The following HMGCS1 variants were observed in gnomAD, a reference collection of about 807,000 sequenced individuals.
HMGCS1 encodes the protein 3-hydroxy-3-methylglutaryl-CoA synthase 1.
HMGCS1 carries 9 observed loss-of-function variants against 52.3 expected under a neutral mutation model. The observed-to-expected ratio is 0.17, with a 90% CI of 0.10 to 0.30. The LOEUF (loss-of-function observed/expected upper bound fraction) is 0.30. Ranked by LOEUF, HMGCS1 falls within the 10% of genes least tolerant of loss-of-function variation. HMGCS1 has a pLI of 1.00. For synonymous variants in HMGCS1, 176 were observed against 214.4 expected (o/e 0.82, Z 1.57); for missense variants, 320 against 620.9 (o/e 0.52, Z 5.15).
rs1579643681 is a variant in HMGCS1 at position 43,297,007 on chromosome 5, T to C, written c.734A>G (p.Gln245Arg). Residue 245 changes from glutamine (Q) to arginine (R), a missense_variant, in exon 5 of 11, where the codon CAG becomes CGG. Gln to Arg is a conservative substitution (Grantham distance 43, BLOSUM62 1). This residue lies in a region of HMGCS1 where 213 missense variants were observed against 337.4 expected (regional missense o/e 0.63). Transcript: ENST00000325110. ...GGAAAATGGGTAAAACTTACCTTTCTGCCACTGGGCATGGATCTTTTTGCA... is the reference window on the plus strand; with the variant it reads ...GGAAAATGGGTAAAACTTACCTTTCCGCCACTGGGCATGGATCTTTTTGCA... ...VYCKKIHAQW[Q>R]KEGNDKDFTL... is the part of the protein sequence containing the mutation. 1.2e-6 allele frequency: 2 copies of C among 1,613,670 alleles called. No homozygotes were observed. Among genetic ancestry groups the C allele is most frequent in the East Asian group, 2.2e-5 (1 of 44,866 alleles).
chr5:43,304,379 A>T (rs1754461213), intron 2 of HMGCS1, among the ~76,000 whole-genome samples: 1 of 152,256 alleles, frequency 6.6e-6, no homozygotes, highest in Non-Finnish European at 1.5e-5. Flanking sequence ...CAGGGAATAT[A>T]TCTTTTTGAA....
chr5:43,291,430 G>T (rs6894240), intron 10 of HMGCS1, among the ~76,000 whole-genome samples: 9,007 of 151,918 alleles, frequency 0.059, 528 homozygotes, highest in African/African-American at 0.16. Flanking sequence ...ATCCATATGG[G>T]GGGGAGAGGA....
chr5:43,312,761 T>A (rs1274205499), intron 1 of HMGCS1, among the ~76,000 whole-genome samples: 1 of 152,302 alleles, frequency 6.6e-6, no homozygotes, highest in East Asian at 1.9e-4. Flanking sequence ...AAGTACAGAC[T>A]GAGCCCCAGT....
chr5:43,291,095 C>CAG lies in HMGCS1; in HGVS notation c.*35_*36insCT. 3 of 927,386 alleles carry CAG rather than the reference C, an allele frequency of 3.2e-6. No homozygotes were observed. The highest frequency in any genetic ancestry group is 4.9e-5 in the East Asian group (2 of 40,866). The allele number at this position is 927,386 out of a possible 1,614,324, so 57.4% of individuals were successfully genotyped here. ...TGTTCCCATACCCCCACCCCATGCC[C>CAG]ACCCCACCCTGAAGTCTTGCACCTC... On this transcript the variant is annotated 3_prime_UTR_variant, in exon 11 of 11. Transcript: ENST00000325110.
At chr5:43,310,214 C>A (rs988716155) in intron 1 of HMGCS1, among the ~76,000 whole-genome samples, 2 of 152,218 alleles carry the variant, frequency 1.3e-5, no homozygotes, top group African/African-American at 4.8e-5. Context: ...GACATCCCTG[C>A]CTCCTCCCAG....
chr5:43,290,379 G>C lies in HMGCS1; in HGVS notation c.*752C>G, dbSNP rs1357814061. ...TAATCTACCATGAACTGATTCAGGAGCACACCTAGAGCTATATTCACAGCT... is the reference window on the plus strand; with the variant it reads ...TAATCTACCATGAACTGATTCAGGACCACACCTAGAGCTATATTCACAGCT... On this transcript the variant is annotated 3_prime_UTR_variant, in exon 11 of 11. Coordinates refer to ENST00000325110, the MANE Select transcript of HMGCS1 (RefSeq NM_001098272.3). 6.6e-6 allele frequency: 1 copy of C among 152,232 alleles called. No individual in the cohort carries two copies. The highest frequency in any genetic ancestry group is 1.5e-5 in the Non-Finnish European group (1 of 68,026). The allele number at this position is 152,232 out of a possible 1,614,324, so 9.4% of individuals were successfully genotyped here. A position where few individuals can be genotyped will look rare whatever the true frequency, so the allele number is the denominator to read the frequency against.
Position 43,289,074 on chromosome 5 carries a change from A to G in HMGCS1, c.*2057T>C. Reference sequence around the variant, plus strand: ...AGTAACTCATTTCATAAATATTTATAGCAAAGTCTATATATGCTTGCCACG... The same window carrying G: ...AGTAACTCATTTCATAAATATTTATGGCAAAGTCTATATATGCTTGCCACG... On this transcript the variant is annotated 3_prime_UTR_variant, in exon 11 of 11. Coordinates refer to ENST00000325110, the MANE Select transcript of HMGCS1 (RefSeq NM_001098272.3). 1 of 152,248 alleles carries G rather than the reference A, an allele frequency of 6.6e-6. No individual in the cohort carries two copies. Among genetic ancestry groups the G allele is most frequent in the East Asian group, 1.9e-4 (1 of 5,204 alleles). The allele number at this position is 152,248 out of a possible 1,614,324, so 9.4% of individuals were successfully genotyped here. A position where few individuals can be genotyped will look rare whatever the true frequency, so the allele number is the denominator to read the frequency against.
In HMGCS1 at chr5:43,290,212, C is replaced by T. The variant is rs1451265761; in HGVS notation, c.*919G>A. On this transcript the variant is annotated 3_prime_UTR_variant, in exon 11 of 11. Coordinates refer to ENST00000325110, the MANE Select transcript of HMGCS1 (RefSeq NM_001098272.3). ...GAAATAGCCTAATAATGCCCTGCCC[C>T]TATTCTTCCCTTCCATTTTAAATTT... 6.6e-6 allele frequency: 1 copy of T among 152,584 alleles called. No individual in the cohort carries two copies. The highest frequency in any genetic ancestry group is 1.9e-4 in the East Asian group (1 of 5,204). 9.5% of individuals were successfully genotyped at this position (152,584 alleles called of 1,614,324 possible).
chr5:43,298,258 C>G lies in HMGCS1; in HGVS notation c.449-124G>C. 1 of 934,744 alleles carries G rather than the reference C, an allele frequency of 1.1e-6. No homozygotes were observed. Among genetic ancestry groups the G allele is most frequent in the East Asian group, 2.6e-5 (1 of 37,830 alleles). 57.9% of individuals were successfully genotyped at this position (934,744 alleles called of 1,614,324 possible). A position where few individuals can be genotyped will look rare whatever the true frequency, so the allele number is the denominator to read the frequency against. On this transcript the variant is annotated intron_variant, in intron 3 of 10. Coordinates refer to ENST00000325110, the MANE Select transcript of HMGCS1 (RefSeq NM_001098272.3). The surrounding 1 kb of genome is among the most constrained non-coding windows in gnomAD (Gnocchi z 5.6). Reference sequence around the variant, plus strand: ...CCTTCTTTGATAAAGAAAGAAAATGCTCTAATTTTTTTTTAAAATTCATCT... The same window carrying G: ...CCTTCTTTGATAAAGAAAGAAAATGGTCTAATTTTTTTTTAAAATTCATCT...
In HMGCS1 at chr5:43,298,474, G is replaced by GA. The variant is rs1561116258; in HGVS notation, c.448+43dup. 6.6e-7 allele frequency: 1 copy of GA among 1,519,584 alleles called. No homozygotes were observed. Among genetic ancestry groups the GA allele is most frequent in the Admixed American group, 1.9e-5 (1 of 53,124 alleles). The allele number at this position is 1,519,584 out of a possible 1,614,324, so 94.1% of individuals were successfully genotyped here. A position where few individuals can be genotyped will look rare whatever the true frequency, so the allele number is the denominator to read the frequency against. On this transcript the variant is annotated intron_variant, in intron 3 of 10. Coordinates refer to ENST00000325110, the MANE Select transcript of HMGCS1 (RefSeq NM_001098272.3). The surrounding 1 kb of genome is among the most constrained non-coding windows in gnomAD (Gnocchi z 5.6). ...TGTCATCTGGGTCTATTGAACCTTA[G>GA]AAAAAAATTTTGGGGGACGGCGGGG... is the stretch of plus-strand genomic sequence containing the variant.
chr5:43,294,837 G>A lies in HMGCS1; in HGVS notation c.930C>T (p.Tyr310=), dbSNP rs1303289628. 1 of 1,608,086 alleles carries A rather than the reference G, an allele frequency of 6.2e-7. No homozygotes were observed. Among genetic ancestry groups the A allele is most frequent in the Middle Eastern group, 1.7e-4 (1 of 6,024 alleles). ...AFGDVKLEDT[Y]FDRDVEKAFM... ...ATGCCTTCTCCACATCTCTATCAAA[G>A]TAGGTGTCTTCTAATTTAACATCCC... is the stretch of plus-strand genomic sequence containing the variant. Residue 310 remains tyrosine (Y), a synonymous_variant, in exon 7 of 11, where the codon TAC becomes TAT. Transcript: ENST00000325110.
chr5:43,301,278 A>G (rs1461750505), intron 2 of HMGCS1, among the ~76,000 whole-genome samples: 1 of 152,224 alleles, frequency 6.6e-6, no homozygotes, highest in Non-Finnish European at 1.5e-5. Context: ...GATCAGGTAA[A>G]TAATAGATTA....
rs1579646800 is a variant in HMGCS1 at position 43,298,304 on chromosome 5, C to T, written c.449-170G>A. 3.0e-6 allele frequency: 2 copies of T among 661,298 alleles called. No homozygotes were observed. Among genetic ancestry groups the T allele is most frequent in the Non-Finnish European group, 4.8e-6 (2 of 419,724 alleles). 41.0% of individuals were successfully genotyped at this position (661,298 alleles called of 1,614,324 possible). A position where few individuals can be genotyped will look rare whatever the true frequency, so the allele number is the denominator to read the frequency against. ...CATCTGCCAAGGCTCTGTCATCCAT[C>T]TGACTAAATTTTGAATAGACCATTT... is the stretch of plus-strand genomic sequence containing the variant. On this transcript the variant is annotated intron_variant, in intron 3 of 10. Transcript: ENST00000325110. The surrounding 1 kb of genome is among the most constrained non-coding windows in gnomAD (Gnocchi z 5.6).
At chr5:43,293,073 C>A in intron 8 of HMGCS1, 100 bp from the exon 9 acceptor site, 2 of 939,892 alleles carry the variant, frequency 2.1e-6, no homozygotes, top group Non-Finnish European at 3.3e-6. Context: ...AACAACTTTT[C>A]ATTTTCATTA....
At position 43,300,634 on chromosome 5, in the gene HMGCS1, A is replaced by T. The variant is rs539395499; in HGVS notation, c.-10-1659T>A. Among the ~76,000 whole-genome samples the T allele has an allele frequency of 9.1e-4, 138 of 151,606 alleles. 1 individual carries two copies. Among genetic ancestry groups the T allele is most frequent in the African/African-American group, 2.3e-3 (97 of 41,322 alleles). On this transcript the variant is annotated intron_variant, in intron 2 of 10. Transcript: ENST00000325110. ...GCAAGACTCTGTCTCAACAAAAAAA[A>T]TTTTTTTAAAATGAGCTGAGCATGG...
At chr5:43,296,107 T>C (rs916883326) in intron 5 of HMGCS1, among the ~76,000 whole-genome samples, 190 bp from the exon 6 acceptor site, 1 of 152,204 alleles carries the variant, frequency 6.6e-6, no homozygotes, top group African/African-American at 2.4e-5. Flanking sequence ...ATATGTACTA[T>C]GTCACTAATT....
chr5:43,291,253 A>G (rs377695625), intron 10 of HMGCS1, 33 bp from the exon 11 acceptor site: 86 of 1,285,300 alleles, frequency 6.7e-5, no homozygotes, highest in Non-Finnish European at 8.0e-5. Flanking sequence ...GATGGCTCTT[A>G]TGATTCTTTC....
Position 43,291,079 on chromosome 5 carries a change from A to ACCCCCCCCCCCAAGCC in HMGCS1, c.*51_*52insGGCTTGGGGGGGGGGG. On this transcript the variant is annotated 3_prime_UTR_variant, in exon 11 of 11. Coordinates refer to ENST00000325110, the MANE Select transcript of HMGCS1 (RefSeq NM_001098272.3). ...ATCCCATTCCTCCAACTGTTCCCAT[A>ACCCCCCCCCCCAAGCC]CCCCCACCCCATGCCCACCCCACCC... 2.6e-6 allele frequency: 2 copies of ACCCCCCCCCCCAAGCC among 780,104 alleles called. No individual in the cohort carries two copies. The highest frequency in any genetic ancestry group is 2.6e-5 in the East Asian group (1 of 38,716). 48.3% of individuals were successfully genotyped at this position (780,104 alleles called of 1,614,324 possible).
intron 2 of HMGCS1, among the ~76,000 whole-genome samples, chr5:43,306,302 G>A (rs2111726712): frequency 6.6e-6 from 1 of 152,222 alleles, no homozygotes; most frequent in South Asian, 2.1e-4. Flanking sequence ...AACTGGAAAG[G>A]GGAAAAAAGG....
Sources: allele counts gnomAD v4.1 joint callset (sites outside exome capture counted in the v4.1 genomes callset), GRCh38; gene constraint gnomAD v4.1.1; regional missense constraint gnomAD v4.1.1; non-coding constraint Gnocchi (gnomAD v3.1); transcripts MANE v1.5; gene names NCBI Gene and HGNC (gene_info 2026-07-23, HGNC 2026-07-21).